Variants in NT5DC3 observed in about 807,000 individuals in gnomAD.
NT5DC3 encodes the protein 5'-nucleotidase domain containing 3.
NT5DC3 carries 42 observed loss-of-function variants against 67.8 expected under a neutral mutation model. The ratio of observed to expected loss-of-function variants is 0.62; its 90% CI spans 0.48 to 0.80. The LOEUF is 0.80. Among genes scored for constraint, NT5DC3 ranks in the 30% least tolerant of loss-of-function variants. The probability of loss-of-function intolerance (pLI) is 0.00; values close to 1 mark genes in which losing one functional copy is unlikely to be tolerated. For synonymous variants in NT5DC3, 237 were observed against 255.6 expected (o/e 0.93, Z 0.69); for missense variants, 570 against 696.4 (o/e 0.82, Z 2.04).
the NT5DC3 span, chr12:103,761,463 C>T: frequency 1.3e-6 from 2 of 1,486,356 alleles, no homozygotes; most frequent in Non-Finnish European, 1.9e-6. Flanking sequence ...GGTGCCCACT[C>T]ACCAACAGGC....
chr12:103,823,762 A>AT (rs1034080747), intron 1 of NT5DC3, among the ~76,000 whole-genome samples: 4 of 152,210 alleles, frequency 2.6e-5, no homozygotes, highest in Non-Finnish European at 4.4e-5. Context: ...AAGCATAGGC[A>AT]TTTTTTGTTT....
At chr12:103,782,660 C>T (rs576480351) in intron 12 of NT5DC3, among the ~76,000 whole-genome samples, 3 of 152,338 alleles carry the variant, frequency 2.0e-5, no homozygotes, top group Non-Finnish European at 4.4e-5. Context: ...GCACCACCAC[C>T]ATGAACCACA....
Position 103,793,018 on chromosome 12 carries a change from TG to T in NT5DC3, c.1019+145del, listed in dbSNP as rs549892048. On this transcript the variant is annotated intron_variant, in intron 9 of 13. Coordinates refer to ENST00000392876, the MANE Select transcript of NT5DC3 (RefSeq NM_001031701.3). Reference sequence around the variant, plus strand: ...TTACGTGCTCATGTCACTCTCCTCATGATTACTTGCTAGAAGGGTTAAAATT... The same window carrying T: ...TTACGTGCTCATGTCACTCTCCTCATATTACTTGCTAGAAGGGTTAAAATT... 1.3e-3 allele frequency: 887 copies of T among 662,246 alleles called. 6 individuals carry two copies. In the African/African-American group the frequency reaches 0.014, roughly 10 times the overall value. 41.0% of individuals were successfully genotyped at this position (662,246 alleles called of 1,614,324 possible). A position where few individuals can be genotyped will look rare whatever the true frequency, so the allele number is the denominator to read the frequency against.
At chr12:103,763,520 T>G in the NT5DC3 span, 2 of 1,614,084 alleles carry the variant, frequency 1.2e-6, no homozygotes, top group South Asian at 1.1e-5. Context: ...GTTGCAGCTC[T>G]TGGCAAGCAG....
In NT5DC3 at chr12:103,838,339, C is replaced by T. The variant is rs573401882; in HGVS notation, c.208+2610G>A. On this transcript the variant is annotated intron_variant, in intron 1 of 13. Coordinates refer to ENST00000392876, the MANE Select transcript of NT5DC3 (RefSeq NM_001031701.3). ...TGCTTCAGCTGTCTCATGCGCCAGGCACTGTCCTAAATGCCTTTCATGGAT... is the reference window on the plus strand; with the variant it reads ...TGCTTCAGCTGTCTCATGCGCCAGGTACTGTCCTAAATGCCTTTCATGGAT... Among the ~76,000 whole-genome samples, 4 of 152,324 alleles carry T rather than the reference C, an allele frequency of 2.6e-5. No individual in the cohort carries two copies. The East Asian group carries it at 7.7e-4, about 29-fold the overall frequency.
chr12:103,791,362 T>C (rs775147159), intron 9 of NT5DC3, among the ~76,000 whole-genome samples: 1 of 152,112 alleles, frequency 6.6e-6, no homozygotes, highest in Non-Finnish European at 1.5e-5. Flanking sequence ...TCATATCAGC[T>C]ACTGTAGGGC....
intron 1 of NT5DC3, among the ~76,000 whole-genome samples, chr12:103,837,597 T>C (rs1888205301): frequency 6.6e-6 from 1 of 152,180 alleles, no homozygotes; most frequent in East Asian, 1.9e-4. Flanking sequence ...CTAAATCATC[T>C]CTCTCAAGTT....
Position 103,841,201 on chromosome 12 carries a change from T to A in NT5DC3, c.-45A>T, listed in dbSNP as rs912214043. On this transcript the variant is annotated 5_prime_UTR_variant, in exon 1 of 14. Transcript: ENST00000392876. The stretch of plus-strand genomic sequence containing the variant: ...CACCGCCGCCGCGCCGCTCTGCGAC[T>A]GCTGCTGCCCGGCCCAAGATCTACC... 1 of 572,626 alleles carries A rather than the reference T, an allele frequency of 1.7e-6. No homozygotes were observed. The highest frequency in any genetic ancestry group is 3.0e-6 in the Non-Finnish European group (1 of 332,652). 35.5% of individuals were successfully genotyped at this position (572,626 alleles called of 1,614,324 possible).
chr12:103,758,096 T>G, the NT5DC3 span: 1 of 1,598,168 alleles, frequency 6.3e-7, no homozygotes, highest in African/African-American at 1.3e-5. Context: ...GGTGATGCCC[T>G]GGGACCTTCT....
the NT5DC3 span, among the ~76,000 whole-genome samples, chr12:103,756,074 T>A: frequency 1.3e-5 from 2 of 151,862 alleles, no homozygotes; most frequent in Admixed American, 1.3e-4. Flanking sequence ...TCTGTTTGTA[T>A]GTGGAACAGT....
the NT5DC3 span, among the ~76,000 whole-genome samples, chr12:103,758,894 T>G: frequency 3.3e-5 from 5 of 152,166 alleles, no homozygotes; most frequent in Admixed American, 2.0e-4. Flanking sequence ...AAGACACCGC[T>G]GGAAAGCTCT....
At chr12:103,746,877 T>A in the NT5DC3 span, among the ~76,000 whole-genome samples, 1 of 152,030 alleles carries the variant, frequency 6.6e-6, no homozygotes. Flanking sequence ...CTTGATCTGC[T>A]CACCCTCTAG....
At chr12:103,805,121 T>A (rs563419384) in intron 4 of NT5DC3, among the ~76,000 whole-genome samples, 45 of 150,658 alleles carry the variant, frequency 3.0e-4, no homozygotes, top group South Asian at 4.2e-4. Flanking sequence ...CAGTGACCAG[T>A]ACAACCACCA....
At chr12:103,783,151 G>A (rs1885629609) in intron 12 of NT5DC3, among the ~76,000 whole-genome samples, 1 of 152,218 alleles carries the variant, frequency 6.6e-6, no homozygotes, top group African/African-American at 2.4e-5. Context: ...TCTACCACAG[G>A]CTCAGTGGAA....
rs866783011 is a variant in NT5DC3, at chr12:103,840,934, C to G, written c.208+15G>C. 1.7e-5 allele frequency: 23 copies of G among 1,346,234 alleles called. No individual in the cohort carries two copies. In the Middle Eastern group the frequency reaches 9.9e-4, roughly 58 times the overall value. 83.4% of individuals were successfully genotyped at this position (1,346,234 alleles called of 1,614,324 possible). On this transcript the variant is annotated intron_variant, in intron 1 of 13. Transcript: ENST00000392876. The stretch of plus-strand genomic sequence containing the variant: ...GGGGCCCCAGGCGCCGGGGCGGGGT[C>G]GCCGCCTCACTCACCTTCTGTGCTT...
At chr12:103,829,980 T>G (rs549226711) in intron 1 of NT5DC3, among the ~76,000 whole-genome samples, 86 of 152,306 alleles carry the variant, frequency 5.6e-4, no homozygotes, top group African/African-American at 2.0e-3. Flanking sequence ...TTTGAGGTGA[T>G]CTACTGTCTT....
At chr12:103,797,076 C>T (rs73192052) in intron 5 of NT5DC3, 45 bp from the exon 6 acceptor site, 399,251 of 1,609,206 alleles carry the variant, frequency 0.25, 53,393 homozygotes, top group South Asian at 0.43. Context: ...GGGGCCCACG[C>T]AAGGGACAGA....
downstream of NT5DC3, among the ~76,000 whole-genome samples, chr12:103,771,491 C>T (rs1885180381): frequency 1.3e-5 from 2 of 152,182 alleles, no homozygotes; most frequent in Non-Finnish European, 2.9e-5. Flanking sequence ...GTACTGGGCT[C>T]TCCCTTACAA....
chr12:103,792,665 G>A (rs67558478), intron 9 of NT5DC3, among the ~76,000 whole-genome samples: 30,065 of 152,062 alleles, frequency 0.2, 3,545 homozygotes, highest in African/African-American at 0.33. Flanking sequence ...CCATTCCCAC[G>A]GCTACAGTGG....
Sources: gnomAD v4.1 joint callset for allele counts (sites outside exome capture counted in the v4.1 genomes callset) on GRCh38, gnomAD v4.1.1 for gene constraint, MANE v1.5 for transcripts, NCBI Gene and HGNC (gene_info 2026-07-23, HGNC 2026-07-21) for gene names.